CRB1: variants seen among roughly 807,000 people sequenced by gnomAD.
The protein encoded by CRB1 is crumbs cell polarity complex component 1.
Under a neutral mutation model 120.0 loss-of-function variants are expected in CRB1, and 83 were observed. The ratio of observed to expected loss-of-function variants is 0.69; its 90% CI spans 0.58 to 0.83. The LOEUF (loss-of-function observed/expected upper bound fraction) is 0.83, where lower values mean the gene tolerates loss of function less well. Among genes scored for constraint, CRB1 ranks in the 40% least tolerant of loss-of-function variants. The pLI, the probability that CRB1 is intolerant of heterozygous loss-of-function variation, is 0.00. For synonymous variants in CRB1, 625 were observed against 612.5 expected (o/e 1.02, Z -0.30); for missense variants, 1,699 against 1,687.6 (o/e 1.01, Z -0.12).
intron 11 of CRB1, among the ~76,000 whole-genome samples, chr1:197,472,483 C>A (rs1667024205): frequency 6.6e-6 from 1 of 152,200 alleles, no homozygotes. Context: ...CCTCTGTTCA[C>A]TTGGGAATGT....
intron 1 of CRB1, among the ~76,000 whole-genome samples, chr1:197,287,041 A>C (rs1022001798): frequency 1.3e-5 from 2 of 151,930 alleles, no homozygotes; most frequent in African/African-American, 4.8e-5. Context: ...CAATTCTTAT[A>C]CACTTATAAA....
rs1452416023 is a variant in CRB1 at position 197,328,448 on chromosome 1, A to G, written c.97A>G (p.Arg33Gly). Residue 33 changes from arginine (R) to glycine (G), a missense_variant, in exon 2 of 12, where the codon AGG (arginine) becomes GGG (glycine). Arg to Gly is a moderately radical substitution (Grantham distance 125, BLOSUM62 -2). Transcript: ENST00000367400. Reference sequence around the variant, plus strand: ...TTCCTTTTGCAATAAAAACAACACCAGGTGCCTCTCAAATTCTTGCCAAAA... The same window carrying G: ...TTCCTTTTGCAATAAAAACAACACCGGGTGCCTCTCAAATTCTTGCCAAAA... Reference protein sequence around the residue: ...KNSFCNKNNTRCLSNSCQNNS... With the variant: ...KNSFCNKNNTGCLSNSCQNNS... 1 of 1,613,944 alleles carries G rather than the reference A, an allele frequency of 6.2e-7. No homozygotes were observed. Among genetic ancestry groups the G allele is most frequent in the Non-Finnish European group, 8.5e-7 (1 of 1,179,784 alleles).
At chr1:197,370,743 C>T (rs1161980344) in intron 5 of CRB1, among the ~76,000 whole-genome samples, 1 of 152,160 alleles carries the variant, frequency 6.6e-6, no homozygotes, top group African/African-American at 2.4e-5. Flanking sequence ...TGTCTTTGAA[C>T]TGCACTGCTC....
intron 11 of CRB1, among the ~76,000 whole-genome samples, chr1:197,471,721 A>C (rs1487710271): frequency 6.6e-6 from 1 of 152,210 alleles, no homozygotes; most frequent in Non-Finnish European, 1.5e-5. Flanking sequence ...TTTATGGTTG[A>C]AAATTGGCTG....
At chr1:197,383,248 A>C (rs1343078780) in intron 5 of CRB1, among the ~76,000 whole-genome samples, 1 of 152,146 alleles carries the variant, frequency 6.6e-6, no homozygotes. Flanking sequence ...AGGAACTCAA[A>C]CTAAAATTGT....
At chr1:197,471,056 A>C (rs1303385738) in intron 11 of CRB1, among the ~76,000 whole-genome samples, 1 of 152,104 alleles carries the variant, frequency 6.6e-6, no homozygotes, top group Non-Finnish European at 1.5e-5. Flanking sequence ...GTCCACAGGA[A>C]ATTTCCACAG....
In CRB1 at chr1:197,426,214, T is replaced by C. The variant is rs189811599; in HGVS notation, c.2129-1240T>C. Among the ~76,000 whole-genome samples, 693 of 152,162 alleles carry C rather than the reference T, an allele frequency of 4.6e-3. 4 individuals carry two copies. The highest frequency in any genetic ancestry group is 0.014 in the African/African-American group (566 of 41,538). On this transcript the variant is annotated intron_variant, in intron 6 of 11. Transcript: ENST00000367400. The stretch of plus-strand genomic sequence containing the variant: ...ATCTACCTTCAAAATATTTTGAAAA[T>C]CTGACCACTTTTGACCACTTTCACA...
At chr1:197,453,551 C>CAG (rs71131759) in intron 11 of CRB1, among the ~76,000 whole-genome samples, 3 of 83,974 alleles carry the variant, frequency 3.6e-5, no homozygotes, top group African/African-American at 1.2e-4. Context: ...GAGAGAGAGA[C>CAG]AGAGAGAGAG....
intron 6 of CRB1, among the ~76,000 whole-genome samples, chr1:197,424,867 A>C (rs1664505961): frequency 6.6e-6 from 1 of 152,222 alleles, no homozygotes; most frequent in Admixed American, 6.5e-5. Flanking sequence ...ATGACATGTC[A>C]ACCACTTGTA....
chr1:197,279,584 G>A (rs1361946563), intron 1 of CRB1, among the ~76,000 whole-genome samples: 1 of 149,586 alleles, frequency 6.7e-6, no homozygotes, highest in Non-Finnish European at 1.5e-5. Context: ...CTGAAATCAG[G>A]AAATGTATGT....
chr1:197,444,966 C>T (rs984825955), intron 11 of CRB1: 1 of 151,794 alleles, frequency 6.6e-6, no homozygotes, highest in African/African-American at 2.4e-5. Flanking sequence ...CTTCCTGAAT[C>T]GTGATCTCTT....
intron 8 of CRB1, among the ~76,000 whole-genome samples, chr1:197,431,052 C>T (rs1041953447): frequency 2.6e-5 from 4 of 151,182 alleles, no homozygotes; most frequent in African/African-American, 7.3e-5. Flanking sequence ...TGCAACAAAA[C>T]AAGACCCTGT....
chr1:197,387,026 G>T (rs888511815), intron 5 of CRB1, among the ~76,000 whole-genome samples: 4 of 152,012 alleles, frequency 2.6e-5, no homozygotes, highest in African/African-American at 9.7e-5. Flanking sequence ...CAAGTAGCTC[G>T]CTTTCTCTCA....
chr1:197,242,985 T>C, the CRB1 span, among the ~76,000 whole-genome samples: 1 of 152,174 alleles, frequency 6.6e-6, no homozygotes, highest in African/African-American at 2.4e-5. Context: ...TATTCTCTGA[T>C]GGTAGTTTGT....
At chr1:197,324,493 C>T (rs1167530456) in intron 1 of CRB1, among the ~76,000 whole-genome samples, 1 of 152,016 alleles carries the variant, frequency 6.6e-6, no homozygotes, top group Admixed American at 6.6e-5. Context: ...CTCTTTTATT[C>T]CTAATAATAA....
At chr1:197,286,149 A>G (rs1361218588) in intron 1 of CRB1, among the ~76,000 whole-genome samples, 2 of 151,898 alleles carry the variant, frequency 1.3e-5, no homozygotes, top group Non-Finnish European at 2.9e-5. Context: ...GCCGAGAAAA[A>G]AGAGATTTTT....
chr1:197,294,664 C>T (rs1228697281), intron 1 of CRB1, among the ~76,000 whole-genome samples: 2 of 152,076 alleles, frequency 1.3e-5, no homozygotes, highest in African/African-American at 2.4e-5. Flanking sequence ...CCCAAATGTC[C>T]ATCAATGATA....
At chr1:197,476,367 T>A (rs554081325) in intron 11 of CRB1, among the ~76,000 whole-genome samples, 2 of 122,898 alleles carry the variant, frequency 1.6e-5, no homozygotes, top group South Asian at 6.6e-4. Context: ...ATTATTTGTG[T>A]GTGTGTGTGT....
chr1:197,379,381 GC>G (rs1365931807), intron 5 of CRB1, among the ~76,000 whole-genome samples: 2 of 151,588 alleles, frequency 1.3e-5, no homozygotes, highest in Non-Finnish European at 2.9e-5. Context: ...CTCACTGCAA[GC>G]TTTGCCTCCT....
Sources: gnomAD v4.1 joint callset for allele counts (sites outside exome capture counted in the v4.1 genomes callset) on GRCh38, gnomAD v4.1.1 for gene constraint, MANE v1.5 for transcripts, NCBI Gene and HGNC (gene_info 2026-07-23, HGNC 2026-07-21) for gene names.